Variants in RASSF8 observed in about 807,000 individuals in gnomAD.
The protein encoded by RASSF8 is Ras association domain family member 8.
RASSF8 carries 22 observed loss-of-function variants against 48.5 expected under a neutral mutation model. The ratio of observed to expected loss-of-function variants is 0.45; its 90% CI spans 0.32 to 0.65. The LOEUF is 0.65. Ranked by LOEUF, RASSF8 falls within the 30% of genes least tolerant of loss-of-function variation. The probability of loss-of-function intolerance (pLI) is 0.03; values close to 1 mark genes in which losing one functional copy is unlikely to be tolerated. For synonymous variants in RASSF8, 127 were observed against 171.5 expected, an observed-to-expected ratio of 0.74 and a Z score of 2.03; for missense variants, 418 against 489.2, an observed-to-expected ratio of 0.85 and a Z score of 1.37.
chr12:26,029,133 A>G (rs561653947), intron 2 of RASSF8, among the ~76,000 whole-genome samples: 3 of 152,276 alleles, frequency 2.0e-5, no homozygotes, highest in South Asian at 2.1e-4. Context: ...CTACCAGGGA[A>G]CTGCATCCTG....
At chr12:26,048,876 C>T (rs1417755960) in intron 2 of RASSF8, among the ~76,000 whole-genome samples, 1 of 152,158 alleles carries the variant, frequency 6.6e-6, no homozygotes, top group Non-Finnish European at 1.5e-5. Flanking sequence ...GCCTCAGCCT[C>T]CCTAGTAGCT....
At chr12:25,984,357 G>A (rs1941821350) in intron 1 of RASSF8, among the ~76,000 whole-genome samples, 1 of 151,584 alleles carries the variant, frequency 6.6e-6, no homozygotes, top group Non-Finnish European at 1.5e-5. Flanking sequence ...GGGATTACAG[G>A]TGTGAGATGG....
At chr12:26,029,388 ATCTG>A (rs1299175354) in intron 2 of RASSF8, among the ~76,000 whole-genome samples, 2 of 152,180 alleles carry the variant, frequency 1.3e-5, no homozygotes, top group African/African-American at 4.8e-5. Flanking sequence ...CTGCTTTTTA[ATCTG>A]TCTGGGGAAG....
chr12:25,958,327 G>C (rs1373065148), upstream of RASSF8: 1 of 151,644 alleles, frequency 6.6e-6, no homozygotes, highest in African/African-American at 2.4e-5. Flanking sequence ...CCCGGCTTTC[G>C]GGTCCTCAGG....
intron 1 of RASSF8, among the ~76,000 whole-genome samples, chr12:25,975,744 A>G (rs1290612059): frequency 1.3e-5 from 2 of 152,212 alleles, no homozygotes; most frequent in East Asian, 3.8e-4. Flanking sequence ...AGAGGAAGCT[A>G]TTTAGAAGGT....
chr12:26,035,014 G>T (rs1196507729), intron 2 of RASSF8, among the ~76,000 whole-genome samples: 1 of 152,106 alleles, frequency 6.6e-6, no homozygotes, highest in South Asian at 2.1e-4. Context: ...GTATTATGGT[G>T]ATTACTCTGG....
rs868328662 is a variant in RASSF8 at position 26,016,210 on chromosome 12, T to G, written c.-109+21080T>G. ...GTTATTAAGGGCTGTTTTTGGGTTT[T>G]TTTTTTTTTTTATTTGTTTGTTTGG... On this transcript the variant is annotated intron_variant, in intron 2 of 5. Transcript: ENST00000689635. 4.9e-3 allele frequency among the ~76,000 whole-genome samples: 738 copies of G among 151,732 alleles called. 8 individuals carry two copies. Among genetic ancestry groups the G allele is most frequent in the African/African-American group, 0.017 (704 of 41,446 alleles).
chr12:25,958,605 G>A (rs1200841799), upstream of RASSF8: 2 of 146,530 alleles, frequency 1.4e-5, no homozygotes, highest in Non-Finnish European at 3.0e-5. Flanking sequence ...CTCAGCCGCT[G>A]CCCGGCGAAG....
intron 2 of RASSF8, among the ~76,000 whole-genome samples, chr12:26,050,764 A>G (rs1040459160): frequency 8.5e-5 from 13 of 152,246 alleles, no homozygotes; most frequent in African/African-American, 2.7e-4. Context: ...CTGAAGGAAT[A>G]ATTCATTGAT....
At chr12:26,017,259 G>T (rs11048379) in intron 2 of RASSF8, among the ~76,000 whole-genome samples, 9,989 of 152,192 alleles carry the variant, frequency 0.066, 716 homozygotes, top group East Asian at 0.27. Flanking sequence ...GCTGGAATTG[G>T]ATATCAATCT....
At chr12:26,024,443 A>G (rs761832788) in intron 2 of RASSF8, among the ~76,000 whole-genome samples, 15 of 152,232 alleles carry the variant, frequency 9.9e-5, no homozygotes, top group Non-Finnish European at 1.5e-4. Context: ...CAAAAGTAGG[A>G]TAGAACATGT....
chr12:26,021,502 C>CAGAG (rs1181788053), intron 2 of RASSF8: 4 of 152,260 alleles, frequency 2.6e-5, no homozygotes, highest in Non-Finnish European at 5.9e-5. Flanking sequence ...CTTTAAGTTA[C>CAGAG]AGAGGCTAAA....
chr12:25,971,392 A>G (rs766895591), intron 1 of RASSF8, among the ~76,000 whole-genome samples: 150 of 152,116 alleles, frequency 9.9e-4, no homozygotes, highest in Admixed American at 1.8e-3. Context: ...TTGTGGAACA[A>G]TTTTTTGGCC....
rs116380436 is a variant in RASSF8 at position 26,001,835 on chromosome 12, A to G, written c.-109+6705A>G. On this transcript the variant is annotated intron_variant, in intron 2 of 5. Transcript: ENST00000689635. ...CCTTTAAAGTGTGGATTAAGAGTAT[A>G]GTAAATACACAAACTGGTGACATAG... Among the ~76,000 whole-genome samples, 920 of 152,346 alleles carry G rather than the reference A, an allele frequency of 6.0e-3. 5 individuals carry two copies. Among genetic ancestry groups the G allele is most frequent in the African/African-American group, 0.021 (868 of 41,594 alleles).
intron 2 of RASSF8, among the ~76,000 whole-genome samples, chr12:26,021,195 T>A (rs1020881604): frequency 6.6e-6 from 1 of 151,698 alleles, no homozygotes; most frequent in Non-Finnish European, 1.5e-5. Context: ...AAAAAAAAAA[T>A]AATAAAATTA....
rs1411096624 is a variant in RASSF8, at chr12:26,026,942, C to T, written c.-108-28294C>T. On this transcript the variant is annotated intron_variant, in intron 2 of 5. Transcript: ENST00000689635. ...ATATATGTCCATGCAAAAAGTTGTA[C>T]ATGAATGTTCATAGCAGCATTATTC... Among the ~76,000 whole-genome samples the T allele has an allele frequency of 2.0e-5, 3 of 152,232 alleles. No individual in the cohort carries two copies. In the East Asian group the frequency reaches 5.8e-4, roughly 29 times the overall value.
At chr12:26,017,005 C>A (rs1020381898) in intron 2 of RASSF8, among the ~76,000 whole-genome samples, 7 of 152,012 alleles carry the variant, frequency 4.6e-5, no homozygotes, top group Non-Finnish European at 1.0e-4. Flanking sequence ...TTAGTACTTT[C>A]CACTGGAATT....
At chr12:25,979,827 C>T (rs1170982294) in intron 1 of RASSF8, among the ~76,000 whole-genome samples, 1 of 149,748 alleles carries the variant, frequency 6.7e-6, no homozygotes. Context: ...GAGACAATAC[C>T]CTTGAGCAAT....
At chr12:25,962,974 A>G (rs957350925) in intron 1 of RASSF8, among the ~76,000 whole-genome samples, 4 of 151,276 alleles carry the variant, frequency 2.6e-5, no homozygotes, top group South Asian at 2.1e-4. Flanking sequence ...TAAATACATC[A>G]TTAAAATAAT....
Sources: allele counts gnomAD v4.1 joint callset (sites outside exome capture counted in the v4.1 genomes callset), GRCh38; gene constraint gnomAD v4.1.1; transcripts MANE v1.5; gene names NCBI Gene and HGNC (gene_info 2026-07-23, HGNC 2026-07-21).